SHTN1: variants seen among roughly 807,000 people sequenced by gnomAD.
SHTN1 encodes shootin-1.
In SHTN1, 42 loss-of-function variants were observed where a neutral mutation model predicts 83.1. The ratio of observed to expected loss-of-function variants is 0.51; its 90% CI spans 0.39 to 0.65. SHTN1 has a LOEUF of 0.65. Ranked by LOEUF, SHTN1 falls within the 30% of genes least tolerant of loss-of-function variation. The pLI is 0.00. For missense variants in SHTN1, 622 were observed against 737.8 expected, an observed-to-expected ratio of 0.84 and a Z score of 1.82; for synonymous variants, 224 against 247.7, an observed-to-expected ratio of 0.90 and a Z score of 0.90.
chr10:116,924,593 C>T (rs1050537150), intron 11 of SHTN1, among the ~76,000 whole-genome samples: 6 of 152,072 alleles, frequency 3.9e-5, no homozygotes, highest in African/African-American at 1.4e-4. Context: ...AGGCAGGACT[C>T]ACAGGCCAGA....
intron 16 of SHTN1, 33 bp downstream of exon 16, chr10:116,901,732 A>C: frequency 6.5e-7 from 1 of 1,535,914 alleles, no homozygotes. Flanking sequence ...AGATTCTTCT[A>C]TACACCACTT....
At chr10:116,933,045 A>G (rs1229218512) in intron 9 of SHTN1, among the ~76,000 whole-genome samples, 1 of 152,180 alleles carries the variant, frequency 6.6e-6, no homozygotes, top group African/African-American at 2.4e-5. Flanking sequence ...GGGACAAAAG[A>G]AAGAATGAAA....
chr10:117,126,326 C>G (rs1024162470), exon 1 of SHTN1: 11 of 164,078 alleles, frequency 6.7e-5, no homozygotes, highest in African/African-American at 1.9e-4. Flanking sequence ...GGTGAGGCCC[C>G]GGCCTCCGTC....
intron 1 of SHTN1, among the ~76,000 whole-genome samples, chr10:117,075,392 C>T (rs542379675): frequency 1.3e-5 from 2 of 152,186 alleles, no homozygotes; most frequent in African/African-American, 2.4e-5. Flanking sequence ...ATGGAAATCA[C>T]AAGATCCTTC....
intron 1 of SHTN1, among the ~76,000 whole-genome samples, chr10:116,982,095 T>C (rs1225515980): frequency 6.6e-6 from 1 of 152,146 alleles, no homozygotes; most frequent in African/African-American, 2.4e-5. Context: ...CCCATGATCT[T>C]ATATTGACAT....
intron 2 of SHTN1, among the ~76,000 whole-genome samples, chr10:116,973,486 C>T (rs1464026799): frequency 6.6e-6 from 1 of 152,116 alleles, no homozygotes; most frequent in Non-Finnish European, 1.5e-5. Context: ...TCATTATTTC[C>T]TCCTCTGAGA....
chr10:117,034,762 G>C (rs1321290693), intron 2 of SHTN1, among the ~76,000 whole-genome samples: 1 of 151,876 alleles, frequency 6.6e-6, no homozygotes, highest in Admixed American at 6.6e-5. Context: ...TAAATATCTA[G>C]GAATTAACCA....
intron 1 of SHTN1, among the ~76,000 whole-genome samples, chr10:116,988,106 G>C (rs773053462): frequency 6.6e-6 from 1 of 152,012 alleles, no homozygotes; most frequent in Admixed American, 6.6e-5. Flanking sequence ...TGTAAATTAT[G>C]GATTTTAGTT....
chr10:116,953,465 AT>A lies in SHTN1; in HGVS notation c.436+576del, dbSNP rs537615848. ...AAGTAACTCATAAAGCACAATTGTT[AT>A]ATACCCTATGGTGATTTGGAGATAT... On this transcript the variant is annotated intron_variant, in intron 5 of 16. Coordinates refer to ENST00000355371, the MANE Select transcript of SHTN1 (RefSeq NM_001127211.3). Among the ~76,000 whole-genome samples, 26 of 152,248 alleles carry A rather than the reference AT, an allele frequency of 1.7e-4. No individual in the cohort carries two copies. In the East Asian group the frequency reaches 4.7e-3, roughly 27 times the overall value.
At chr10:117,091,992 T>A (rs1853436503) in intron 1 of SHTN1, among the ~76,000 whole-genome samples, 2 of 152,182 alleles carry the variant, frequency 1.3e-5, no homozygotes, top group African/African-American at 4.8e-5. Context: ...TCATTTAGCC[T>A]TAAAAACAAC....
intron 1 of SHTN1, among the ~76,000 whole-genome samples, chr10:116,996,771 A>G (rs1159389054): frequency 1.3e-5 from 2 of 152,228 alleles, no homozygotes; most frequent in Non-Finnish European, 2.9e-5. Flanking sequence ...ACCTAGTCTC[A>G]GGACTAAGAG....
intron 16 of SHTN1, among the ~76,000 whole-genome samples, chr10:116,891,009 A>C (rs1847327540): frequency 6.6e-6 from 1 of 152,252 alleles, no homozygotes; most frequent in African/African-American, 2.4e-5. Context: ...GCTGCAATTC[A>C]AATTAACTAA....
At chr10:116,931,685 C>T (rs1287624385) in intron 9 of SHTN1, among the ~76,000 whole-genome samples, 6 of 151,956 alleles carry the variant, frequency 3.9e-5, no homozygotes. Flanking sequence ...TATATACTGA[C>T]ATGAGAAGAT....
upstream of SHTN1, chr10:117,005,517 C>A: frequency 1.0e-6 from 1 of 1,002,308 alleles, no homozygotes; most frequent in African/African-American, 1.7e-5. Flanking sequence ...GTGGGAACTC[C>A]ACTTTGGACG....
chr10:116,955,623 T>C (rs904981154), intron 4 of SHTN1, among the ~76,000 whole-genome samples: 3 of 152,180 alleles, frequency 2.0e-5, no homozygotes, highest in Non-Finnish European at 4.4e-5. Flanking sequence ...TCAGGGTTTC[T>C]CATAGAGAAA....
chr10:117,016,560 C>T (rs1242688718), intron 2 of SHTN1, among the ~76,000 whole-genome samples: 1 of 152,144 alleles, frequency 6.6e-6, no homozygotes, highest in African/African-American at 2.4e-5. Context: ...GCGTGTGCCA[C>T]CACGCCCGGC....
intron 1 of SHTN1, among the ~76,000 whole-genome samples, chr10:117,003,492 G>C (rs908285478): frequency 1.3e-5 from 2 of 151,452 alleles, no homozygotes; most frequent in African/African-American, 4.9e-5. Flanking sequence ...TTTCCCCAGG[G>C]TCACACAGTA....
At chr10:116,946,559 T>C (rs1180152883) in intron 7 of SHTN1, among the ~76,000 whole-genome samples, 1 of 124,324 alleles carries the variant, frequency 8.0e-6, no homozygotes, top group Non-Finnish European at 1.6e-5. Context: ...ATAAAATGAT[T>C]TATATATAAA....
At chr10:116,897,961 C>A (rs9421255) in intron 16 of SHTN1, among the ~76,000 whole-genome samples, 4,115 of 152,208 alleles carry the variant, frequency 0.027, 180 homozygotes, top group African/African-American at 0.094. Flanking sequence ...GTTTTTCTGA[C>A]CCTGGGCAAC....
Sources: gnomAD v4.1 joint callset for allele counts (sites outside exome capture counted in the v4.1 genomes callset) on GRCh38, gnomAD v4.1.1 for gene constraint, MANE v1.5 for transcripts, NCBI Gene and HGNC (gene_info 2026-07-23, HGNC 2026-07-21) for gene names.